The following PALM2AKAP2 variants were observed in gnomAD, a reference collection of about 807,000 sequenced individuals.
PALM2AKAP2 encodes the protein PALM2-AKAP2 fusion protein.
PALM2AKAP2 carries 37 observed loss-of-function variants against 71.5 expected under a neutral mutation model. The observed-to-expected ratio is 0.52, with a 90% CI of 0.40 to 0.68. The LOEUF is 0.68. PALM2AKAP2 is among the 30% of genes least tolerant of loss of function. The pLI is 0.00. For missense variants in PALM2AKAP2, 1,224 were observed against 1,191.8 expected (o/e 1.03, Z -0.40); for synonymous variants, 468 against 478.8 (o/e 0.98, Z 0.29).
intron 6 of PALM2AKAP2, among the ~76,000 whole-genome samples, chr9:109,960,663 T>C (rs1208800381): frequency 6.6e-6 from 1 of 151,970 alleles, no homozygotes; most frequent in Non-Finnish European, 1.5e-5. Flanking sequence ...CAAGAGTCAG[T>C]AGGAAGGATG....
rs572557061 is a variant in PALM2AKAP2 at position 109,903,339 on chromosome 9, G to C, written c.258-20396G>C. Reference sequence around the variant, plus strand: ...GCCATACTGGACCACAGGGCCACTGGTTGGGTTGTTCATAATTGATCTTTG... The same window carrying C: ...GCCATACTGGACCACAGGGCCACTGCTTGGGTTGTTCATAATTGATCTTTG... On this transcript the variant is annotated intron_variant, in intron 3 of 9. Coordinates refer to the PALM2AKAP2 transcript ENST00000302798. Among the ~76,000 whole-genome samples, 10 of 152,030 alleles carry C rather than the reference G, an allele frequency of 6.6e-5. No homozygotes were observed. In the East Asian group the frequency reaches 1.9e-3, roughly 30 times the overall value.
At chr9:109,944,339 A>G (rs532039338) in intron 6 of PALM2AKAP2, 2 of 152,298 alleles carry the variant, frequency 1.3e-5, no homozygotes, top group South Asian at 4.1e-4. Context: ...TGAGGAGATC[A>G]TCTTGAGAAG....
At chr9:109,937,436 A>G (rs1195106410) in intron 6 of PALM2AKAP2, among the ~76,000 whole-genome samples, 1 of 152,212 alleles carries the variant, frequency 6.6e-6, no homozygotes, top group Non-Finnish European at 1.5e-5. Context: ...AAATCAAAGT[A>G]TCCATGCAGT....
chr9:109,691,798 A>G (rs1399657428), intron 1 of PALM2AKAP2, among the ~76,000 whole-genome samples: 1 of 138,906 alleles, frequency 7.2e-6, no homozygotes, highest in Non-Finnish European at 1.5e-5. Flanking sequence ...GGGGAGAATT[A>G]ACATCTTAAT....
chr9:109,881,556 AT>A (rs1036685374), intron 3 of PALM2AKAP2, among the ~76,000 whole-genome samples: 3 of 152,158 alleles, frequency 2.0e-5, no homozygotes, highest in African/African-American at 7.2e-5. Context: ...TTAACTTTGT[AT>A]TGTCTGCTTT....
chr9:109,840,226 T>G (rs1828616998), intron 1 of PALM2AKAP2, among the ~76,000 whole-genome samples: 1 of 152,104 alleles, frequency 6.6e-6, no homozygotes, highest in Non-Finnish European at 1.5e-5. Context: ...TATGCAACCA[T>G]CTGATCTTTG....
chr9:109,736,185 A>G (rs772651449), intron 1 of PALM2AKAP2, among the ~76,000 whole-genome samples: 1 of 152,234 alleles, frequency 6.6e-6, no homozygotes, highest in Non-Finnish European at 1.5e-5. Flanking sequence ...TTATATGTGG[A>G]AAATAGGTCC....
intron 1 of PALM2AKAP2, among the ~76,000 whole-genome samples, chr9:109,679,516 T>A (rs554857113): frequency 6.6e-6 from 1 of 152,318 alleles, no homozygotes; most frequent in East Asian, 1.9e-4. Flanking sequence ...CTCTGACTTA[T>A]AATATGATGT....
intron 3 of PALM2AKAP2, among the ~76,000 whole-genome samples, chr9:109,898,604 A>G (rs1340045525): frequency 2.0e-5 from 3 of 152,224 alleles, no homozygotes; most frequent in East Asian, 3.8e-4. Flanking sequence ...AAGATTAAAC[A>G]TTAGGAGTCT....
At chr9:109,854,593 T>C (rs188310279) in intron 1 of PALM2AKAP2, among the ~76,000 whole-genome samples, 356 of 152,148 alleles carry the variant, frequency 2.3e-3, no homozygotes, top group African/African-American at 8.1e-3. Flanking sequence ...GCATTCCAAA[T>C]CCTACCATCT....
At chr9:110,026,793 C>T (rs1343966650) in intron 7 of PALM2AKAP2, among the ~76,000 whole-genome samples, 1 of 152,186 alleles carries the variant, frequency 6.6e-6, no homozygotes, top group Non-Finnish European at 1.5e-5. Context: ...ACTGTAATCC[C>T]AGCACTTTGG....
intron 7 of PALM2AKAP2, among the ~76,000 whole-genome samples, chr9:110,021,754 A>AC (rs398046796): frequency 3.3e-5 from 5 of 152,036 alleles, no homozygotes; most frequent in African/African-American, 1.2e-4. Context: ...AAAAAAAAAA[A>AC]AACAGGTATG....
At chr9:109,727,973 G>A (rs117440577) in intron 1 of PALM2AKAP2, among the ~76,000 whole-genome samples, 6,579 of 152,136 alleles carry the variant, frequency 0.043, 191 homozygotes, top group Non-Finnish European at 0.053. Context: ...AAACCTCTTG[G>A]GCCTCCGCAA....
chr9:109,939,437 A>G (rs1315124076), intron 6 of PALM2AKAP2, among the ~76,000 whole-genome samples: 3 of 152,250 alleles, frequency 2.0e-5, no homozygotes, highest in Admixed American at 1.3e-4. Context: ...CCTATCACAT[A>G]TGGATATAAA....
intron 1 of PALM2AKAP2, among the ~76,000 whole-genome samples, chr9:109,672,310 G>C (rs1218192548): frequency 6.6e-6 from 1 of 152,054 alleles, no homozygotes; most frequent in Non-Finnish European, 1.5e-5. Context: ...TTTTTAACGT[G>C]GATCAATGTT....
Position 109,840,732 on chromosome 9 carries a change from G to T in PALM2AKAP2, c.46-26759G>T, listed in dbSNP as rs186527085. ...GGATATGAACAGACACTTCTCAAAA[G>T]AAGACATTTATGCAGCCAAAAGACA... On this transcript the variant is annotated intron_variant, in intron 1 of 9. Coordinates refer to the PALM2AKAP2 transcript ENST00000302798. Among the ~76,000 whole-genome samples the T allele has an allele frequency of 1.4e-3, 213 of 152,306 alleles. 1 individual carries two copies. The highest frequency in any genetic ancestry group is 4.6e-3 in the African/African-American group (193 of 41,566).
chr9:110,106,985 GC>G (rs757142998), intron 1 of PALM2AKAP2, among the ~76,000 whole-genome samples: 8 of 152,176 alleles, frequency 5.3e-5, no homozygotes, highest in Non-Finnish European at 1.2e-4. Context: ...TCATCAATTA[GC>G]CCGATGGAAG....
intron 1 of PALM2AKAP2, among the ~76,000 whole-genome samples, chr9:109,864,227 T>G (rs1829386278): frequency 6.6e-6 from 1 of 152,374 alleles, no homozygotes; most frequent in South Asian, 2.1e-4. Flanking sequence ...TGCTAACAAC[T>G]GCTTAGTTCC....
upstream of PALM2AKAP2, among the ~76,000 whole-genome samples, chr9:110,045,723 A>T (rs1833585061): frequency 6.6e-6 from 1 of 151,832 alleles, no homozygotes; most frequent in Non-Finnish European, 1.5e-5. Flanking sequence ...TTCTGCCACC[A>T]CGTCTGGCTA....
Sources: allele counts gnomAD v4.1 joint callset (sites outside exome capture counted in the v4.1 genomes callset), GRCh38; gene constraint gnomAD v4.1.1; transcripts MANE v1.5; gene names NCBI Gene and HGNC (gene_info 2026-07-23, HGNC 2026-07-21).